WWOX: variants seen among roughly 807,000 people sequenced by gnomAD.
WWOX encodes the protein WW domain containing oxidoreductase.
Under a neutral mutation model 46.2 loss-of-function variants are expected in WWOX, and 69 were observed. The observed-to-expected ratio is 1.49, with a 90% CI of 1.23 to 1.82. The LOEUF (loss-of-function observed/expected upper bound fraction) is 1.82, where lower values mean the gene tolerates loss of function less well. Among genes scored for constraint, WWOX ranks in the 40% most tolerant of loss-of-function variants. The pLI, the probability that WWOX is intolerant of heterozygous loss-of-function variation, is 0.00. For missense variants in WWOX, 919 were observed against 542.6 expected (o/e 1.69, Z -6.89); for synonymous variants, 359 against 202.6 (o/e 1.77, Z -6.56).
At chr16:78,394,630 G>C (rs757205532) in intron 6 of WWOX, among the ~76,000 whole-genome samples, 2 of 152,206 alleles carry the variant, frequency 1.3e-5, no homozygotes, top group African/African-American at 2.4e-5. Flanking sequence ...CTTCTTGTAA[G>C]GGGCCAGAGA....
At chr16:78,698,525 G>C (rs541776226) in intron 8 of WWOX, among the ~76,000 whole-genome samples, 15 of 152,270 alleles carry the variant, frequency 9.9e-5, no homozygotes, top group African/African-American at 3.6e-4. Flanking sequence ...GTTTTGAGGA[G>C]ATCTAGAATA....
intron 8 of WWOX, among the ~76,000 whole-genome samples, chr16:78,547,379 C>G (rs767634122): frequency 7.9e-5 from 12 of 152,094 alleles, no homozygotes; most frequent in Non-Finnish European, 1.2e-4. Context: ...TATCTAAGGT[C>G]ACATAGCTCA....
chr16:79,167,981 A>T (rs908196525), intron 8 of WWOX, among the ~76,000 whole-genome samples: 6 of 152,198 alleles, frequency 3.9e-5, no homozygotes, highest in African/African-American at 1.4e-4. Context: ...ATCAAAGAAT[A>T]TGTGACCTTT....
At chr16:78,791,286 G>C (rs539107502) in intron 8 of WWOX, among the ~76,000 whole-genome samples, 4 of 152,256 alleles carry the variant, frequency 2.6e-5, no homozygotes, top group East Asian at 3.9e-4. Flanking sequence ...CGGGTTTCCT[G>C]TGTGTCTGGT....
chr16:79,028,988 C>G (rs2047700795), intron 8 of WWOX, among the ~76,000 whole-genome samples: 2 of 151,824 alleles, frequency 1.3e-5, no homozygotes, highest in African/African-American at 4.9e-5. Context: ...AGAACACTCT[C>G]CATGTCTTTG....
intron 8 of WWOX, among the ~76,000 whole-genome samples, chr16:78,737,728 G>C (rs146807257): frequency 1.3e-5 from 2 of 152,176 alleles, no homozygotes; most frequent in African/African-American, 4.8e-5. Flanking sequence ...ATGATGTCCT[G>C]GTCCTTTGCT....
chr16:78,991,915 A>G (rs1343381160), intron 8 of WWOX, among the ~76,000 whole-genome samples: 2 of 152,100 alleles, frequency 1.3e-5, no homozygotes, highest in African/African-American at 4.8e-5. Flanking sequence ...GTTCCCGCCT[A>G]ACACAATACC....
chr16:78,752,513 C>T (rs1048691497), intron 8 of WWOX, among the ~76,000 whole-genome samples: 2 of 152,186 alleles, frequency 1.3e-5, no homozygotes, highest in African/African-American at 4.8e-5. Context: ...GTTTCTAACT[C>T]CTGACCTCAG....
At chr16:78,524,667 C>T (rs1209659177) in intron 8 of WWOX, among the ~76,000 whole-genome samples, 2 of 151,922 alleles carry the variant, frequency 1.3e-5, no homozygotes, top group African/African-American at 2.4e-5. Flanking sequence ...GATCCACCCG[C>T]CTCAGCCTCC....
intron 8 of WWOX, among the ~76,000 whole-genome samples, chr16:78,984,624 A>C (rs563127131): frequency 6.6e-6 from 1 of 152,356 alleles, no homozygotes; most frequent in African/African-American, 2.4e-5. Flanking sequence ...AAGTAAGTCA[A>C]TGTTTCTGTC....
intron 8 of WWOX, among the ~76,000 whole-genome samples, chr16:79,165,899 C>G (rs2050585011): frequency 6.6e-6 from 1 of 152,168 alleles, no homozygotes; most frequent in African/African-American, 2.4e-5. Context: ...CCTTCATAAC[C>G]AAGGTCATAC....
At chr16:78,181,294 G>C (rs370533861) in intron 5 of WWOX, among the ~76,000 whole-genome samples, 4 of 152,084 alleles carry the variant, frequency 2.6e-5, no homozygotes, top group African/African-American at 7.2e-5. Flanking sequence ...TGTGTGTGTG[G>C]GGGTGTTGAT....
chr16:78,792,857 G>T (rs2050640585), intron 8 of WWOX, among the ~76,000 whole-genome samples: 1 of 152,050 alleles, frequency 6.6e-6, no homozygotes, highest in African/African-American at 2.4e-5. Context: ...CTCACCCCGG[G>T]GATTTAGCAG....
intron 5 of WWOX, among the ~76,000 whole-genome samples, chr16:78,225,590 A>G (rs903192621): frequency 2.0e-5 from 3 of 152,182 alleles, no homozygotes; most frequent in Non-Finnish European, 4.4e-5. Flanking sequence ...TTGACTTTGA[A>G]ATCATTAAAT....
chr16:78,126,451 A>T (rs1307973457), intron 4 of WWOX, among the ~76,000 whole-genome samples: 2 of 152,210 alleles, frequency 1.3e-5, no homozygotes, highest in African/African-American at 4.8e-5. Flanking sequence ...AGCAAGATTG[A>T]TAGGCTTTTC....
chr16:78,259,164 G>A (rs7198650), intron 5 of WWOX, among the ~76,000 whole-genome samples: 152,335 of 152,336 alleles, frequency 1, 76,167 homozygotes, highest in Non-Finnish European at 1. Context: ...TAATAAGTAA[G>A]CAGCTCTTTC....
chr16:78,742,649 G>A (rs760846258), intron 8 of WWOX, among the ~76,000 whole-genome samples: 7 of 152,180 alleles, frequency 4.6e-5, no homozygotes, highest in Middle Eastern at 3.2e-3. Context: ...TGACTCACTC[G>A]GGGCTAAAAC....
chr16:78,611,084 C>G (rs557863908), intron 8 of WWOX, among the ~76,000 whole-genome samples: 1 of 152,216 alleles, frequency 6.6e-6, no homozygotes, highest in South Asian at 2.1e-4. Context: ...AAATGTATAT[C>G]CCAGTGTGTG....
chr16:78,386,115 A>G (rs891887915), intron 5 of WWOX, among the ~76,000 whole-genome samples: 12 of 152,264 alleles, frequency 7.9e-5, no homozygotes, highest in African/African-American at 2.4e-4. Context: ...CTTGTACTCA[A>G]TTTCCTATCT....
Sources: gnomAD v4.1 joint callset for allele counts (sites outside exome capture counted in the v4.1 genomes callset) on GRCh38, gnomAD v4.1.1 for gene constraint, MANE v1.5 for transcripts, NCBI Gene and HGNC (gene_info 2026-07-23, HGNC 2026-07-21) for gene names.